TAFA2: variants seen among roughly 807,000 people sequenced by gnomAD.
TAFA2 encodes TAFA chemokine like family member 2.
A neutral mutation model predicts 18.8 loss-of-function variants in TAFA2; 7 were observed. The observed-to-expected ratio is 0.37, with a 90% confidence interval of 0.21 to 0.70. The LOEUF is 0.70. Ranked by LOEUF, TAFA2 falls within the 30% of genes least tolerant of loss-of-function variation. TAFA2 has a pLI of 0.53. For synonymous variants in TAFA2, 60 were observed against 54.2 expected (o/e 1.11, Z -0.47); for missense variants, 122 against 158.1 (o/e 0.77, Z 1.23).
At chr12:61,957,910 G>A (rs990919068) in intron 1 of TAFA2, among the ~76,000 whole-genome samples, 6 of 152,086 alleles carry the variant, frequency 3.9e-5, no homozygotes, top group African/African-American at 1.2e-4. Flanking sequence ...AAAGATGATG[G>A]ACAAATAGAA....
chr12:62,256,729 G>A (rs530149517), intron 1 of TAFA2, among the ~76,000 whole-genome samples: 8 of 152,170 alleles, frequency 5.3e-5, no homozygotes, highest in South Asian at 2.1e-4. Context: ...AGGACCCTCC[G>A]TAATTTTTTT....
In TAFA2 at chr12:61,959,541, G is replaced by A. The variant is rs188635991; in HGVS notation, c.-1-92115C>T. 8.0e-4 allele frequency among the ~76,000 whole-genome samples: 122 copies of A among 152,086 alleles called. 2 individuals carry two copies. The East Asian group carries it at 0.014, about 17-fold the overall frequency. Reference sequence around the variant, plus strand: ...CCAAATTTTCTTATTAATTCTATCAGCTGTTTTTATTCAATTATAAATGTC... The same window carrying A: ...CCAAATTTTCTTATTAATTCTATCAACTGTTTTTATTCAATTATAAATGTC... On this transcript the variant is annotated intron_variant, in intron 1 of 4. Coordinates refer to ENST00000416284, the MANE Select transcript of TAFA2 (RefSeq NM_178539.5).
At chr12:62,072,283 T>C (rs969559734) in intron 1 of TAFA2, among the ~76,000 whole-genome samples, 15 of 151,058 alleles carry the variant, frequency 9.9e-5, no homozygotes, top group Admixed American at 2.0e-4. Context: ...GCTAACACGG[T>C]GAAACCCCAT....
intron 1 of TAFA2, among the ~76,000 whole-genome samples, chr12:62,044,497 A>T (rs1343964336): frequency 6.6e-6 from 1 of 152,164 alleles, no homozygotes; most frequent in South Asian, 2.1e-4. Context: ...GAAAGCCCGC[A>T]TAACCTGAAT....
chr12:61,753,977 G>A (rs1869143678), intron 3 of TAFA2, among the ~76,000 whole-genome samples: 2 of 151,866 alleles, frequency 1.3e-5, no homozygotes, highest in Non-Finnish European at 2.9e-5. Context: ...CTTAACATGA[G>A]ATCTATCCAC....
chr12:62,131,161 G>A (rs1365218917), intron 1 of TAFA2, among the ~76,000 whole-genome samples: 1 of 151,892 alleles, frequency 6.6e-6, no homozygotes, highest in East Asian at 1.9e-4. Context: ...GCAGTTCACT[G>A]GAGTAGCTAG....
upstream of TAFA2, among the ~76,000 whole-genome samples, chr12:62,195,880 G>T (rs1006606764): frequency 8.5e-5 from 13 of 152,180 alleles, no homozygotes; most frequent in Non-Finnish European, 1.9e-4. Context: ...CCTGTCCTTT[G>T]AAGCTTCGAA....
intron 1 of TAFA2, among the ~76,000 whole-genome samples, chr12:61,978,475 T>C (rs1291784571): frequency 6.6e-6 from 1 of 151,964 alleles, no homozygotes; most frequent in Non-Finnish European, 1.5e-5. Flanking sequence ...GAACAGTTCC[T>C]ACATGAGAAA....
intron 1 of TAFA2, among the ~76,000 whole-genome samples, chr12:62,198,594 T>C (rs1282652823): frequency 6.7e-6 from 1 of 149,292 alleles, no homozygotes; most frequent in African/African-American, 2.5e-5. Context: ...CATCCCCACT[T>C]GTCTCCTCTT....
chr12:62,221,192 A>ATGAAGGAGGGAAGGAAGGAAGGGG (rs2062759517), intron 1 of TAFA2, among the ~76,000 whole-genome samples: 1 of 98,604 alleles, frequency 1.0e-5, no homozygotes, highest in Non-Finnish European at 2.2e-5. Flanking sequence ...GGAGGGGAGA[A>ATGAAGGAGGGAAGGAAGGAAGGGG]GGAAGGAGGG....
At chr12:62,042,675 T>G (rs1287752151) in intron 1 of TAFA2, among the ~76,000 whole-genome samples, 1 of 152,164 alleles carries the variant, frequency 6.6e-6, no homozygotes, top group Non-Finnish European at 1.5e-5. Flanking sequence ...AACTCCATGA[T>G]GAGCCTATAT....
intron 1 of TAFA2, among the ~76,000 whole-genome samples, chr12:61,960,903 G>A (rs145174561): frequency 5.3e-4 from 80 of 151,840 alleles, no homozygotes; most frequent in African/African-American, 1.9e-3. Context: ...TTTTCTTGCT[G>A]TATTTGCTAT....
intron 1 of TAFA2, among the ~76,000 whole-genome samples, chr12:62,104,052 A>G (rs1146081): frequency 0.4 from 61,563 of 152,034 alleles, 12,804 homozygotes; most frequent in African/African-American, 0.46. Context: ...TGAGTTGGCA[A>G]TGCCAAGTTT....
intron 2 of TAFA2, among the ~76,000 whole-genome samples, chr12:61,764,651 T>A (rs1299394868): frequency 2.0e-5 from 3 of 152,132 alleles, no homozygotes; most frequent in Non-Finnish European, 4.4e-5. Flanking sequence ...TTTAATGAAT[T>A]TGTAAAATGA....
At chr12:61,732,155 A>G (rs1870479466) in intron 4 of TAFA2, among the ~76,000 whole-genome samples, 1 of 152,084 alleles carries the variant, frequency 6.6e-6, no homozygotes, top group African/African-American at 2.4e-5. Context: ...GTAAGAGCAT[A>G]TGGAGATAAG....
chr12:61,827,144 A>T (rs184182200), intron 2 of TAFA2: 13 of 152,222 alleles, frequency 8.5e-5, no homozygotes, highest in African/African-American at 3.1e-4. Flanking sequence ...CTTAAAAGGA[A>T]GCAGTTTACC....
At chr12:62,076,383 T>C (rs1256642853) in intron 1 of TAFA2, among the ~76,000 whole-genome samples, 1 of 152,166 alleles carries the variant, frequency 6.6e-6, no homozygotes, top group Non-Finnish European at 1.5e-5. Context: ...TTAAAATAAA[T>C]ACATAAATAT....
chr12:61,990,893 A>T (rs1033445522), intron 1 of TAFA2, among the ~76,000 whole-genome samples: 2 of 152,234 alleles, frequency 1.3e-5, no homozygotes, highest in Non-Finnish European at 2.9e-5. Flanking sequence ...GAAAAGTATT[A>T]TAAGATATGT....
At chr12:61,939,992 T>C (rs182066910) in intron 1 of TAFA2, among the ~76,000 whole-genome samples, 7 of 152,348 alleles carry the variant, frequency 4.6e-5, no homozygotes, top group Admixed American at 2.6e-4. Context: ...ATATGTAAAA[T>C]TGGCTTTCTG....
Sources: gnomAD v4.1 joint callset for allele counts (sites outside exome capture counted in the v4.1 genomes callset) on GRCh38, gnomAD v4.1.1 for gene constraint, MANE v1.5 for transcripts, NCBI Gene and HGNC (gene_info 2026-07-23, HGNC 2026-07-21) for gene names.